NFATC1: variants seen among roughly 807,000 people sequenced by gnomAD.
NFATC1 encodes the protein nuclear factor of activated T cells 1, also known as nuclear factor of activated T-cells, cytoplasmic 1.
A neutral mutation model predicts 76.0 loss-of-function variants in NFATC1; 22 were observed. That is an observed-to-expected ratio of 0.29 (90% CI 0.21 to 0.41). The LOEUF is 0.41. NFATC1 is among the 10% of genes least tolerant of loss of function. The pLI, the probability that NFATC1 is intolerant of heterozygous loss-of-function variation, is 1.00. For missense variants in NFATC1, 1,357 were observed against 1,337.7 expected (o/e 1.01, Z -0.23); for synonymous variants, 704 against 613.1 (o/e 1.15, Z -2.19).
intron 6 of NFATC1, among the ~76,000 whole-genome samples, chr18:79,459,358 C>T (rs1296187893): frequency 6.6e-6 from 1 of 152,206 alleles, no homozygotes; most frequent in African/African-American, 2.4e-5. Flanking sequence ...ATGGACTCAC[C>T]GCTGCGGGGC....
intron 9 of NFATC1, among the ~76,000 whole-genome samples, chr18:79,492,901 C>CT (rs10605674): frequency 0.028 from 2,432 of 87,214 alleles, 89 homozygotes; most frequent in African/African-American, 0.083. Context: ...ATGAATCCAG[C>CT]TTTTTTTTTT....
At chr18:79,526,593 C>T (rs984444082) in intron 9 of NFATC1, among the ~76,000 whole-genome samples, 1 of 152,240 alleles carries the variant, frequency 6.6e-6, no homozygotes, top group Non-Finnish European at 1.5e-5. Flanking sequence ...TGTGTGTTTG[C>T]AGCCAGGGTT....
intron 8 of NFATC1, among the ~76,000 whole-genome samples, chr18:79,477,534 C>A (rs1411310528): frequency 6.6e-6 from 1 of 152,150 alleles, no homozygotes; most frequent in Non-Finnish European, 1.5e-5. Context: ...GTCTTTGGGG[C>A]TTCCATGGTG....
intron 8 of NFATC1, among the ~76,000 whole-genome samples, chr18:79,485,514 C>T (rs1600889115): frequency 6.6e-6 from 1 of 152,244 alleles, no homozygotes; most frequent in East Asian, 1.9e-4. Context: ...TGGGCGTGGG[C>T]TGGGAGCCGG....
intron 7 of NFATC1, among the ~76,000 whole-genome samples, chr18:79,464,678 A>ATG (rs1177230452): frequency 0.037 from 2,839 of 76,866 alleles, 219 homozygotes; most frequent in African/African-American, 0.14. Flanking sequence ...GTGTATATGT[A>ATG]TGTGTATATA....
chr18:79,413,152 C>T (rs2085756964), intron 2 of NFATC1, among the ~76,000 whole-genome samples: 1 of 152,210 alleles, frequency 6.6e-6, no homozygotes, highest in Non-Finnish European at 1.5e-5. Flanking sequence ...CAAAGTCGTC[C>T]ATCACCGCGG....
intron 6 of NFATC1, among the ~76,000 whole-genome samples, chr18:79,455,392 T>C (rs201724809): frequency 1.0e-5 from 1 of 98,740 alleles, no homozygotes; most frequent in Non-Finnish European, 2.1e-5. Flanking sequence ...GGCGTCTCCT[T>C]CTCCAGGTAA....
At chr18:79,432,922 T>TTG (rs1451597856) in intron 2 of NFATC1, among the ~76,000 whole-genome samples, 1 of 152,192 alleles carries the variant, frequency 6.6e-6, no homozygotes, top group African/African-American at 2.4e-5. Context: ...CCCCAGCACC[T>TTG]GTCACCCGCC....
rs373889524 is a variant in NFATC1, at chr18:79,410,568, C to G, written c.293C>G (p.Ala98Gly). 1.2e-6 allele frequency: 2 copies of G among 1,611,754 alleles called. No individual in the cohort carries two copies. Among genetic ancestry groups the G allele is most frequent in the Non-Finnish European group, 8.5e-7 (1 of 1,180,006 alleles). The change falls in exon 2 of 10, where the codon GCG (alanine) becomes GGG (glycine). Residue 98 changes from alanine to glycine, a missense_variant. Ala to Gly is a moderately conservative substitution (Grantham distance 60). Around this residue, in one of 3 missense-constraint regions of NFATC1, gnomAD observed 691 missense variants for 613.1 expected, o/e 1.13. Transcript: ENST00000427363. The surrounding 1 kb of genome is among the most constrained non-coding windows in gnomAD (Gnocchi z 6.7). ...GGAGCAGCTTTGGACGGTGGGCCCG[C>G]GGGCTACTTCCTCTCCTCCGGCCAC... is the stretch of plus-strand genomic sequence containing the variant. ...GYGAALDGGPAGYFLSSGHTR... is the reference protein window; with the variant it reads ...GYGAALDGGPGGYFLSSGHTR...
At chr18:79,498,971 C>T (rs537017270) in intron 9 of NFATC1, among the ~76,000 whole-genome samples, 11 of 152,342 alleles carry the variant, frequency 7.2e-5, no homozygotes, top group African/African-American at 2.4e-4. Context: ...AAACAAGACA[C>T]ACAGAATTTG....
In NFATC1 at chr18:79,410,063, G is replaced by A. The variant is rs765824715; in HGVS notation, c.128-340G>A. 2.0e-5 allele frequency: 13 copies of A among 646,630 alleles called. No individual in the cohort carries two copies. Among genetic ancestry groups the A allele is most frequent in the Admixed American group, 9.1e-5 (5 of 55,122 alleles). 40.1% of individuals were successfully genotyped at this position (646,630 alleles called of 1,614,324 possible). A position where few individuals can be genotyped will look rare whatever the true frequency, so the allele number is the denominator to read the frequency against. On this transcript the variant is annotated intron_variant, in intron 1 of 9. Coordinates refer to ENST00000427363, the MANE Select transcript of NFATC1 (RefSeq NM_001278669.2). This position sits in a 1 kb window ranked among gnomAD's most constrained non-coding sequence, Gnocchi z 6.7. ...GGGAAGGACGTTCGGATGAAGATGG[G>A]GTGGTTGGGGAAGGTGGTTTTTGAA...
intron 7 of NFATC1, among the ~76,000 whole-genome samples, chr18:79,464,682 G>GTATATATATA: frequency 9.9e-6 from 1 of 100,804 alleles, no homozygotes; most frequent in African/African-American, 4.6e-5. Context: ...ATATGTATGT[G>GTATATATATA]TATATATATA....
At chr18:79,446,870 T>C (rs776886637) in intron 3 of NFATC1, among the ~76,000 whole-genome samples, 13 of 152,198 alleles carry the variant, frequency 8.5e-5, no homozygotes, top group Non-Finnish European at 1.9e-4. Context: ...CCCCACCGTG[T>C]TCCCACGTGA....
At position 79,511,358 on chromosome 18, in the gene NFATC1, C is replaced by A. The variant is rs567267966; in HGVS notation, c.2783-16170C>A. Among the ~76,000 whole-genome samples, 9 of 152,320 alleles carry A rather than the reference C, an allele frequency of 5.9e-5. No individual in the cohort carries two copies. In the South Asian group the frequency reaches 1.9e-3, roughly 32 times the overall value. ...GGAGTTTGGCCAGCACCTCGCCACA[C>A]GATGGGTCATGGTGCGTTGTCTCCG... On this transcript the variant is annotated intron_variant, in intron 9 of 9. Transcript: ENST00000427363.
chr18:79,500,622 A>G (rs1302175032), intron 9 of NFATC1, among the ~76,000 whole-genome samples: 2 of 152,160 alleles, frequency 1.3e-5, no homozygotes, highest in African/African-American at 4.8e-5. Flanking sequence ...AAATTGACAA[A>G]ACTTTAATGA....
intron 3 of NFATC1, 59 bp downstream of exon 3, chr18:79,433,797 T>A: frequency 6.4e-7 from 1 of 1,571,578 alleles, no homozygotes; most frequent in South Asian, 1.2e-5. Context: ...AAAAGTAACT[T>A]TGGAGCCACA....
At chr18:79,452,857 C>T (rs1045794268) in intron 6 of NFATC1, among the ~76,000 whole-genome samples, 2 of 152,230 alleles carry the variant, frequency 1.3e-5, no homozygotes, top group Admixed American at 6.5e-5. Flanking sequence ...CTTTTGTACA[C>T]TTACCAATTG....
At chr18:79,466,203 C>T (rs887083110) in intron 7 of NFATC1, among the ~76,000 whole-genome samples, 2 of 152,244 alleles carry the variant, frequency 1.3e-5, no homozygotes, top group African/African-American at 4.8e-5. Flanking sequence ...CTGTCTTTAA[C>T]ACTCTTAAGA....
chr18:79,440,654 C>G (rs1352510019), intron 3 of NFATC1, among the ~76,000 whole-genome samples: 2 of 152,220 alleles, frequency 1.3e-5, no homozygotes, highest in African/African-American at 4.8e-5. Flanking sequence ...CTGGGTTCTC[C>G]CGGGAAGGAG....
Sources: gnomAD v4.1 joint callset for allele counts (sites outside exome capture counted in the v4.1 genomes callset) on GRCh38, gnomAD v4.1.1 for gene constraint, gnomAD v4.1.1 regional missense constraint, Gnocchi (gnomAD v3.1) non-coding constraint, MANE v1.5 for transcripts, NCBI Gene and HGNC (gene_info 2026-07-23, HGNC 2026-07-21) for gene names.